Variants in MAGI2 observed in about 807,000 individuals in gnomAD.
MAGI2 encodes the protein membrane associated guanylate kinase, WW and PDZ domain containing 2, also known as membrane-associated guanylate kinase, WW and PDZ domain-containing protein 2.
Under a neutral mutation model 133.3 loss-of-function variants are expected in MAGI2, and 35 were observed. The ratio of observed to expected loss-of-function variants is 0.26; its 90% CI spans 0.20 to 0.35. The LOEUF is 0.35. MAGI2 is among the 10% of genes least tolerant of loss of function. The pLI, the probability that MAGI2 is intolerant of heterozygous loss-of-function variation, is 1.00. For missense variants in MAGI2, 1,636 were observed against 1,863.4 expected (o/e 0.88, Z 2.25); for synonymous variants, 729 against 710.6 (o/e 1.03, Z -0.41).
intron 1 of MAGI2, among the ~76,000 whole-genome samples, chr7:79,161,729 T>C (rs1250878282): frequency 2.6e-5 from 4 of 152,036 alleles, no homozygotes; most frequent in African/African-American, 9.7e-5. Context: ...AAGAAAATCT[T>C]TTAAGTTATT....
chr7:78,312,471 T>C (rs1453955946), intron 9 of MAGI2, among the ~76,000 whole-genome samples: 2 of 152,116 alleles, frequency 1.3e-5, no homozygotes, highest in Non-Finnish European at 2.9e-5. Context: ...ATTTGCAAAC[T>C]ATGCATCTGA....
At chr7:79,412,816 T>C (rs1404473270) in intron 1 of MAGI2, 1 of 152,192 alleles carries the variant, frequency 6.6e-6, no homozygotes, top group Admixed American at 6.6e-5. Flanking sequence ...GCTATGATTT[T>C]CTGAGCTCTA....
At chr7:79,175,368 T>C (rs1826003651) in intron 1 of MAGI2, among the ~76,000 whole-genome samples, 1 of 151,952 alleles carries the variant, frequency 6.6e-6, no homozygotes, top group Non-Finnish European at 1.5e-5. Context: ...ATTCAGTTTA[T>C]TTTTAAACAA....
intron 1 of MAGI2, among the ~76,000 whole-genome samples, chr7:79,327,928 T>C (rs571924149): frequency 5.3e-5 from 8 of 152,314 alleles, no homozygotes; most frequent in Admixed American, 2.6e-4. Flanking sequence ...AAATATTCAC[T>C]TATATCTTTA....
chr7:78,222,577 C>A (rs1047944320), intron 10 of MAGI2, among the ~76,000 whole-genome samples: 2 of 152,196 alleles, frequency 1.3e-5, no homozygotes, highest in African/African-American at 2.4e-5. Flanking sequence ...TTTAAAACTA[C>A]TTTTGAACCT....
intron 9 of MAGI2, among the ~76,000 whole-genome samples, chr7:78,315,501 G>A (rs948560277): frequency 2.0e-5 from 3 of 152,238 alleles, no homozygotes; most frequent in Middle Eastern, 3.4e-3. Flanking sequence ...CGGATCAGGG[G>A]TATTATTACT....
In MAGI2 at chr7:78,906,396, T is replaced by C. The variant is rs117798231; in HGVS notation, c.418+100694A>G. 1.7e-3 allele frequency among the ~76,000 whole-genome samples: 263 copies of C among 152,346 alleles called. 2 individuals are homozygous for C. Among genetic ancestry groups the C allele is most frequent in the Non-Finnish European group, 2.9e-3 (198 of 68,034 alleles). ...CTTTCACTGTCTTTGGGGTTTGCAA[T>C]AGGTAGTTGAGGTCTCTCGTCTATC... On this transcript the variant is annotated intron_variant, in intron 2 of 21. Coordinates refer to ENST00000354212, the MANE Select transcript of MAGI2 (RefSeq NM_012301.4).
chr7:78,855,032 T>C (rs1793506839), intron 2 of MAGI2, among the ~76,000 whole-genome samples: 1 of 152,138 alleles, frequency 6.6e-6, no homozygotes, highest in Middle Eastern at 3.2e-3. Context: ...TTTCTGTTTT[T>C]TTTTTGTAGA....
At chr7:78,750,520 A>T (rs2151276721) in intron 2 of MAGI2, among the ~76,000 whole-genome samples, 1 of 152,302 alleles carries the variant, frequency 6.6e-6, no homozygotes, top group African/African-American at 2.4e-5. Context: ...ATATGCCAAG[A>T]CTGCTCCTGT....
chr7:78,774,919 G>A (rs1231834599), intron 2 of MAGI2, among the ~76,000 whole-genome samples: 2 of 152,128 alleles, frequency 1.3e-5, no homozygotes, highest in Non-Finnish European at 2.9e-5. Flanking sequence ...TACTGCAGAT[G>A]CTACATTATA....
intron 2 of MAGI2, among the ~76,000 whole-genome samples, chr7:78,925,042 T>G (rs1281694791): frequency 6.6e-6 from 1 of 151,932 alleles, no homozygotes; most frequent in Non-Finnish European, 1.5e-5. Flanking sequence ...TAAAAGATAA[T>G]TAGAGTCTTG....
intron 1 of MAGI2, among the ~76,000 whole-genome samples, chr7:79,007,695 T>C (rs1807593882): frequency 6.6e-6 from 1 of 152,106 alleles, no homozygotes; most frequent in South Asian, 2.1e-4. Flanking sequence ...CATAATGTCT[T>C]AGAAGTCTGA....
chr7:79,441,471 T>C (rs1384065948), intron 1 of MAGI2, among the ~76,000 whole-genome samples: 1 of 152,222 alleles, frequency 6.6e-6, no homozygotes, highest in East Asian at 1.9e-4. Context: ...AGGCATTTTA[T>C]TGATTCAATT....
At chr7:79,288,460 A>C (rs1410507033) in intron 1 of MAGI2, among the ~76,000 whole-genome samples, 1 of 152,194 alleles carries the variant, frequency 6.6e-6, no homozygotes, top group African/African-American at 2.4e-5. Context: ...TATTTCATAC[A>C]ACTTGGGTTT....
intron 18 of MAGI2, among the ~76,000 whole-genome samples, chr7:78,132,427 C>A (rs1426905069): frequency 6.6e-6 from 1 of 152,206 alleles, no homozygotes; most frequent in Non-Finnish European, 1.5e-5. Flanking sequence ...ACTTAAAGAT[C>A]AAAACATTAA....
intron 2 of MAGI2, among the ~76,000 whole-genome samples, chr7:78,714,287 C>T (rs891661707): frequency 1.3e-5 from 2 of 152,154 alleles, no homozygotes; most frequent in Non-Finnish European, 2.9e-5. Context: ...ATTAAAATAA[C>T]ATTTTAATAT....
chr7:78,372,836 T>C (rs1012423697), intron 6 of MAGI2, among the ~76,000 whole-genome samples: 1 of 152,198 alleles, frequency 6.6e-6, no homozygotes, highest in African/African-American at 2.4e-5. Flanking sequence ...ATTTCATTTA[T>C]TTATTTAATC....
intron 20 of MAGI2, among the ~76,000 whole-genome samples, chr7:78,109,803 G>A (rs1256457238): frequency 2.0e-5 from 3 of 152,174 alleles, no homozygotes; most frequent in African/African-American, 7.2e-5. Flanking sequence ...AGGCTAGTGG[G>A]ACCCATCTAG....
At chr7:79,444,947 G>A (rs889435191) in intron 1 of MAGI2, among the ~76,000 whole-genome samples, 2 of 152,116 alleles carry the variant, frequency 1.3e-5, no homozygotes, top group Non-Finnish European at 2.9e-5. Context: ...AAACAGCATG[G>A]TACTGGTACC....
Sources: allele counts gnomAD v4.1 joint callset (sites outside exome capture counted in the v4.1 genomes callset), GRCh38; gene constraint gnomAD v4.1.1; transcripts MANE v1.5; gene names NCBI Gene and HGNC (gene_info 2026-07-23, HGNC 2026-07-21).